PM20D2: variants seen among roughly 807,000 people sequenced by gnomAD.
PM20D2 encodes peptidase M20 domain containing 2.
Under a neutral mutation model 42.9 loss-of-function variants are expected in PM20D2, and 33 were observed. That is an observed-to-expected ratio of 0.77 (90% confidence interval 0.58 to 1.03). The LOEUF (loss-of-function observed/expected upper bound fraction) is 1.03, where lower values mean the gene tolerates loss of function less well. PM20D2 is among the 50% of genes least tolerant of loss of function. The pLI, the probability that PM20D2 is intolerant of heterozygous loss-of-function variation, is 0.00. For synonymous variants in PM20D2, 250 were observed against 228.2 expected, an observed-to-expected ratio of 1.10 and a Z score of -0.86; for missense variants, 548 against 557.0, an observed-to-expected ratio of 0.98 and a Z score of 0.16.
chr6:89,112,118 A>T, the PM20D2 span, among the ~76,000 whole-genome samples: 1 of 151,644 alleles, frequency 6.6e-6, no homozygotes, highest in Non-Finnish European at 1.5e-5. Context: ...AGAGATTCTC[A>T]TGACTCAGCC....
intron 4 of PM20D2, among the ~76,000 whole-genome samples, chr6:89,157,343 T>C (rs1771083293): frequency 6.6e-6 from 1 of 152,236 alleles, no homozygotes; most frequent in African/African-American, 2.4e-5. Context: ...ATAAAAGAAA[T>C]GTCATCTCTG....
intron 3 of PM20D2, among the ~76,000 whole-genome samples, chr6:89,154,095 C>G (rs979737437): frequency 6.6e-6 from 1 of 151,964 alleles, no homozygotes; most frequent in Non-Finnish European, 1.5e-5. Flanking sequence ...ACCAGTTTTC[C>G]TGCTTTAGTT....
At chr6:89,152,903 A>G in intron 2 of PM20D2, 140 bp from the exon 3 acceptor site, 4 of 600,632 alleles carry the variant, frequency 6.7e-6, no homozygotes, top group East Asian at 6.0e-5. Context: ...TTGCAGTGTT[A>G]TTACTACAAA....
intron 2 of PM20D2, 116 bp from the exon 3 acceptor site, chr6:89,152,927 A>T (rs1378590451): frequency 2.5e-6 from 2 of 789,314 alleles, no homozygotes; most frequent in Non-Finnish European, 3.8e-6. Context: ...TTTGCAAATC[A>T]AAAGTCCAGC....
In PM20D2 at chr6:89,161,900, G is replaced by T. The variant is rs1030682345; in HGVS notation, c.1156+10G>T. The T allele has an allele frequency of 4.4e-6, 7 of 1,593,184 alleles. No homozygotes were observed. The highest frequency in any genetic ancestry group is 4.0e-5 in the African/African-American group (3 of 74,478). ...TACACTGAAGCTGCTGGTAAGTGTTGTTGGATGTGACTGTTTTGGCACACA... is the reference window on the plus strand; with the variant it reads ...TACACTGAAGCTGCTGGTAAGTGTTTTTGGATGTGACTGTTTTGGCACACA... On this transcript the variant is annotated intron_variant, in intron 6 of 6. Transcript: ENST00000275072.
rs532468931 is a variant in PM20D2 at position 89,162,830 on chromosome 6, A to G, written c.*567A>G. The G allele has an allele frequency of 3.0e-4, 45 of 152,464 alleles. No homozygotes were observed. In the South Asian group the frequency reaches 8.9e-3, roughly 30 times the overall value. The allele number at this position is 152,464 out of a possible 1,614,324, so 9.4% of individuals were successfully genotyped here. ...TGCCCAGGCTGAAGTGTAGTGGCAC[A>G]ATCTCGGCTCACTGCAACCTCTGCC... On this transcript the variant is annotated 3_prime_UTR_variant, in exon 7 of 7. Coordinates refer to ENST00000275072, the MANE Select transcript of PM20D2 (RefSeq NM_001010853.3).
the PM20D2 span, among the ~76,000 whole-genome samples, chr6:89,117,178 A>G: frequency 1.3e-5 from 2 of 152,190 alleles, no homozygotes; most frequent in African/African-American, 4.8e-5. Context: ...GTGAGCCTAT[A>G]CTCACGCCCT....
the PM20D2 span, among the ~76,000 whole-genome samples, chr6:89,134,445 C>T: frequency 9.3e-5 from 14 of 151,192 alleles, 1 homozygote; most frequent in African/African-American, 3.5e-4. Flanking sequence ...ACTGAACCCC[C>T]ACACATCTTT....
chr6:89,118,128 T>C, the PM20D2 span: 819 of 151,342 alleles, frequency 5.4e-3, 4 homozygotes, highest in Non-Finnish European at 9.8e-3. Context: ...CCGCGGGAAT[T>C]CCGAAGACAG....
At chr6:89,104,601 AAAGTT>A in the PM20D2 span, among the ~76,000 whole-genome samples, 21 of 149,820 alleles carry the variant, frequency 1.4e-4, no homozygotes, top group Middle Eastern at 3.4e-3. Flanking sequence ...GTAAAAAGAT[AAAGTT>A]AAGTCTGTAA....
chr6:89,161,797 G>A lies in PM20D2; in HGVS notation c.1063G>A (p.Gly355Arg), dbSNP rs747262167. Residue 355 changes from glycine to arginine, a missense_variant, in exon 6 of 7, where the codon GGA becomes AGA. By Grantham distance (125) the Gly-to-Arg change is moderately radical. Around this residue, in one of 3 missense-constraint regions of PM20D2, gnomAD observed 470 missense variants for 464.4 expected, o/e 1.01. Transcript: ENST00000275072. ...TGTGTTCCAAGGATCTACGGATTTTGGAAATGTTAGTTTTGTGGTTCCTGG... is the reference window on the plus strand; with the variant it reads ...TGTGTTCCAAGGATCTACGGATTTTAGAAATGTTAGTTTTGTGGTTCCTGG... ...LNGPSGSTDF[G>R]NVSFVVPGIH... The A allele has an allele frequency of 1.9e-5, 30 of 1,609,910 alleles. No individual in the cohort carries two copies. The highest frequency in any genetic ancestry group is 1.6e-4 in the Middle Eastern group (1 of 6,076).
the PM20D2 span, chr6:89,096,115 T>C: frequency 2.0e-5 from 3 of 152,164 alleles, no homozygotes; most frequent in Non-Finnish European, 2.9e-5. Flanking sequence ...GTCACAAAAG[T>C]CATTTTCATC....
intron 2 of PM20D2, among the ~76,000 whole-genome samples, chr6:89,149,687 A>G (rs1181390157): frequency 2.0e-5 from 3 of 152,232 alleles, no homozygotes; most frequent in East Asian, 1.9e-4. Context: ...TGAACTGTCA[A>G]TAATCTGGTG....
the PM20D2 span, chr6:89,107,369 A>G: frequency 1.4e-6 from 1 of 733,928 alleles, no homozygotes; most frequent in Non-Finnish European, 2.2e-6. Context: ...CTAGACCAGC[A>G]TTATCTAAAA....
chr6:89,144,882 G>A (rs1770469963), upstream of PM20D2, among the ~76,000 whole-genome samples: 1 of 152,230 alleles, frequency 6.6e-6, no homozygotes, highest in Non-Finnish European at 1.5e-5. Context: ...GTTTTTGTTG[G>A]AGTGTTAACT....
chr6:89,099,520 AC>A, the PM20D2 span, among the ~76,000 whole-genome samples: 1 of 138,574 alleles, frequency 7.2e-6, no homozygotes, highest in Admixed American at 7.7e-5. Context: ...ATATATACAC[AC>A]ACACACACAC....
At chr6:89,117,830 C>G in the PM20D2 span, 1 of 1,557,632 alleles carries the variant, frequency 6.4e-7, no homozygotes, top group Non-Finnish European at 8.7e-7. Flanking sequence ...CACCTGGTGG[C>G]GTCCGCGACG....
At chr6:89,111,635 T>C in the PM20D2 span, among the ~76,000 whole-genome samples, 4 of 152,212 alleles carry the variant, frequency 2.6e-5, no homozygotes, top group African/African-American at 9.6e-5. Flanking sequence ...TTATATCTTT[T>C]TTCTTGCCTT....
the PM20D2 span, among the ~76,000 whole-genome samples, chr6:89,129,152 CAG>C: frequency 1.1e-4 from 16 of 151,962 alleles, no homozygotes; most frequent in South Asian, 2.1e-4. Flanking sequence ...CCTGCAGAGT[CAG>C]GGGGCTGCCA....
Sources: gnomAD v4.1 joint callset for allele counts (sites outside exome capture counted in the v4.1 genomes callset) on GRCh38, gnomAD v4.1.1 for gene constraint, gnomAD v4.1.1 regional missense constraint, MANE v1.5 for transcripts, NCBI Gene and HGNC (gene_info 2026-07-23, HGNC 2026-07-21) for gene names.